Variants in CREBBP observed in about 807,000 individuals in gnomAD.
CREBBP encodes CREB-binding protein.
A neutral mutation model predicts 265.0 loss-of-function variants in CREBBP; 19 were observed. The ratio of observed to expected loss-of-function variants is 0.07; its 90% confidence interval spans 0.05 to 0.11. The LOEUF (loss-of-function observed/expected upper bound fraction) is 0.11, where lower values mean the gene tolerates loss of function less well. CREBBP is among the 10% of genes least tolerant of loss of function. The probability of loss-of-function intolerance (pLI) is 1.00; values close to 1 mark genes in which losing one functional copy is unlikely to be tolerated. For synonymous variants in CREBBP, 1,457 were observed against 1,223.7 expected (o/e 1.19, Z -3.98); for missense variants, 2,525 against 3,219.0 (o/e 0.78, Z 5.22).
chr16:3,731,040 C>G lies in CREBBP; in HGVS notation c.5172+152G>C, dbSNP rs918702028. ...GGTTTAGGAAACACACACACAGCAA[C>G]GCCTTCTGCCTTGTGACGCTGTCCT... On this transcript the variant is annotated intron_variant, in intron 30 of 30. Coordinates refer to ENST00000262367, the MANE Select transcript of CREBBP (RefSeq NM_004380.3). This position sits in a 1 kb window ranked among gnomAD's most constrained non-coding sequence, Gnocchi z 7.7. The G allele has an allele frequency of 1.2e-5, 10 of 821,626 alleles. No homozygotes were observed. In the Admixed American group the frequency reaches 1.9e-4, roughly 16 times the overall value. 50.9% of individuals were successfully genotyped at this position (821,626 alleles called of 1,614,324 possible).
At chr16:3,750,483 A>G (rs1161551433) in intron 20 of CREBBP, among the ~76,000 whole-genome samples, 3 of 152,226 alleles carry the variant, frequency 2.0e-5, no homozygotes, top group African/African-American at 7.2e-5. Context: ...TCTGACGAAA[A>G]GAGGGAACGG....
intron 1 of CREBBP, among the ~76,000 whole-genome samples, chr16:3,851,860 C>CAAA (rs1159688899): frequency 6.9e-5 from 2 of 28,960 alleles, no homozygotes; most frequent in African/African-American, 2.5e-4. Flanking sequence ...GACTCCGTCT[C>CAAA]AAAAAAAAAA....
Position 3,728,671 on chromosome 16 carries a change from C to T in CREBBP, c.6376G>A (p.Gly2126Ser), listed in dbSNP as rs200780672. 8.7e-6 allele frequency: 14 copies of T among 1,613,490 alleles called. No homozygotes were observed. The highest frequency in any genetic ancestry group is 1.6e-4 in the Middle Eastern group (1 of 6,084). ...TGCATGCCAGGCTGGGGTTGCATGC[C>T]GGGCTGGGACTGGAGGCCAGGCTGG... ...QPQPGLQSQP[G>S]MQPQPGMHQQ... The change falls in exon 31 of 31, where the codon GGC becomes AGC. Residue 2126 changes from glycine to serine, a missense_variant. Around this residue, in one of 19 missense-constraint regions of CREBBP, gnomAD observed 473 missense variants for 459.3 expected, o/e 1.03. Transcript: ENST00000262367. The surrounding 1 kb of genome is among the most constrained non-coding windows in gnomAD (Gnocchi z 8.7).
chr16:3,827,527 G>A (rs2054261213), intron 2 of CREBBP, among the ~76,000 whole-genome samples: 1 of 152,044 alleles, frequency 6.6e-6, no homozygotes, highest in African/African-American at 2.4e-5. Context: ...GAGTAGCTGG[G>A]ACTACAGGCG....
chr16:3,778,676 A>T (rs2141236696), intron 9 of CREBBP, 24 bp downstream of exon 9: 1 of 1,550,802 alleles, frequency 6.4e-7, no homozygotes, highest in African/African-American at 1.4e-5. Flanking sequence ...TGTAGAGGCC[A>T]GAGCACGGTA....
At position 3,740,786 on chromosome 16, in the gene CREBBP, G is replaced by A. The variant is rs140450794; in HGVS notation, c.3983-237C>T. ...AACCGTTTACGTGCCCAGGTAACCTGCATCTTTTTCTAACAGTATGGGGCA... is the reference window on the plus strand; with the variant it reads ...AACCGTTTACGTGCCCAGGTAACCTACATCTTTTTCTAACAGTATGGGGCA... On this transcript the variant is annotated intron_variant, in intron 23 of 30. Coordinates refer to ENST00000262367, the MANE Select transcript of CREBBP (RefSeq NM_004380.3). The A allele has an allele frequency of 3.5e-3, 2,010 of 576,450 alleles. 11 individuals carry two copies. Among genetic ancestry groups the A allele is most frequent in the Non-Finnish European group, 3.7e-3 (1,199 of 321,550 alleles). 35.7% of individuals were successfully genotyped at this position (576,450 alleles called of 1,614,324 possible). A position where few individuals can be genotyped will look rare whatever the true frequency, so the allele number is the denominator to read the frequency against.
intron 2 of CREBBP, among the ~76,000 whole-genome samples, chr16:3,829,632 C>T (rs1363677777): frequency 6.6e-6 from 1 of 152,164 alleles, no homozygotes; most frequent in African/African-American, 2.4e-5. Flanking sequence ...TCAAGACCTG[C>T]CCTAAGTTAA....
rs143628397 is a variant in CREBBP at position 3,795,845 on chromosome 16, C to T, written c.976-2219G>A. On this transcript the variant is annotated intron_variant, in intron 3 of 30. Coordinates refer to ENST00000262367, the MANE Select transcript of CREBBP (RefSeq NM_004380.3). ...TACGTTTATGAAAATTTCAAACATA[C>T]AGAAAAATGGAAAGGAAAGGATATC... 3.2e-3 allele frequency among the ~76,000 whole-genome samples: 488 copies of T among 152,178 alleles called. 5 individuals are homozygous for T. Among genetic ancestry groups the T allele is most frequent in the African/African-American group, 0.011 (462 of 41,528 alleles).
chr16:3,845,711 C>A (rs1008288219), intron 2 of CREBBP, among the ~76,000 whole-genome samples: 1 of 151,830 alleles, frequency 6.6e-6, no homozygotes, highest in Non-Finnish European at 1.5e-5. Flanking sequence ...CATGGCAAAA[C>A]CCCGTCTCCA....
intron 21 of CREBBP, among the ~76,000 whole-genome samples, chr16:3,749,412 T>C (rs888211526): frequency 1.3e-5 from 2 of 152,232 alleles, no homozygotes; most frequent in African/African-American, 2.4e-5. Flanking sequence ...AATCTTATCA[T>C]TGTTAAAATC....
chr16:3,868,197 T>C (rs970337550), intron 1 of CREBBP, among the ~76,000 whole-genome samples: 3 of 152,180 alleles, frequency 2.0e-5, no homozygotes, highest in African/African-American at 7.2e-5. Context: ...GGAAGAGTTT[T>C]CACCAATTAC....
intron 2 of CREBBP, among the ~76,000 whole-genome samples, chr16:3,830,002 TATAA>T (rs2054311226): frequency 1.3e-5 from 2 of 152,140 alleles, no homozygotes; most frequent in African/African-American, 2.4e-5. Flanking sequence ...CAACATTAAA[TATAA>T]ATAAACTAAA....
chr16:3,730,002 G>A (rs2051868678), intron 30 of CREBBP, 128 bp from the exon 31 acceptor site: 1 of 1,472,124 alleles, frequency 6.8e-7, no homozygotes, highest in African/African-American at 1.4e-5. Flanking sequence ...AGGAGACCCA[G>A]ACAGGATGCG....
chr16:3,769,253 A>G lies in CREBBP; in HGVS notation c.2981T>C (p.Val994Ala). 6.2e-7 allele frequency: 1 copy of G among 1,614,094 alleles called. No individual in the cohort carries two copies. The highest frequency in any genetic ancestry group is 8.5e-7 in the Non-Finnish European group (1 of 1,180,020). Residue 994 changes from valine (V) to alanine (A), a missense_variant, in exon 15 of 31, where the codon GTG (valine) becomes GCG (alanine). By Grantham distance (64) the Val-to-Ala change is moderately conservative (BLOSUM62 0). Transcript: ENST00000262367. ...TTGGGTCTCCGTCTTCATTTCCAGC[A>G]CAGGTACGTCAGGTCCTGGCTGCTG... ...NSQQPGPDVPVLEMKTETQAE... is the reference protein window; with the variant it reads ...NSQQPGPDVPALEMKTETQAE...
intron 3 of CREBBP, among the ~76,000 whole-genome samples, chr16:3,795,176 T>C (rs2053583216): frequency 6.6e-6 from 1 of 152,164 alleles, no homozygotes; most frequent in African/African-American, 2.4e-5. Context: ...AAAATCAGCA[T>C]CCTAGCTGAG....
chr16:3,736,221 AAC>A lies in CREBBP; in HGVS notation c.4561-20_4561-19del, dbSNP rs2052053574. ...AAAATATCCTGAGTGGGCAAAGCAC[AAC>A]AGTGAGATGAGGGCCATGCACGCGT... On this transcript the variant is annotated intron_variant, in intron 27 of 30. Coordinates refer to ENST00000262367, the MANE Select transcript of CREBBP (RefSeq NM_004380.3). 6.2e-7 allele frequency: 1 copy of A among 1,613,524 alleles called. No homozygotes were observed. The highest frequency in any genetic ancestry group is 1.3e-5 in the African/African-American group (1 of 74,932).
At chr16:3,752,981 G>C (rs1039399703) in intron 19 of CREBBP, among the ~76,000 whole-genome samples, 2 of 152,194 alleles carry the variant, frequency 1.3e-5, no homozygotes, top group Non-Finnish European at 2.9e-5. Context: ...CAAGAATACC[G>C]TAAGAATAAA....
chr16:3,824,001 G>C (rs1385689552), intron 2 of CREBBP, among the ~76,000 whole-genome samples: 2 of 150,794 alleles, frequency 1.3e-5, no homozygotes, highest in African/African-American at 4.9e-5. Flanking sequence ...CACTCATCTA[G>C]GAACATGAAG....
chr16:3,808,274 A>C (rs1205213004), intron 3 of CREBBP, among the ~76,000 whole-genome samples: 2 of 151,798 alleles, frequency 1.3e-5, no homozygotes, highest in Non-Finnish European at 2.9e-5. Context: ...TCTCCTAATT[A>C]CTCTCCAGTT....
Sources: gnomAD v4.1 joint callset for allele counts (sites outside exome capture counted in the v4.1 genomes callset) on GRCh38, gnomAD v4.1.1 for gene constraint, gnomAD v4.1.1 regional missense constraint, Gnocchi (gnomAD v3.1) non-coding constraint, MANE v1.5 for transcripts, NCBI Gene and HGNC (gene_info 2026-07-23, HGNC 2026-07-21) for gene names.